XDH: variants seen among roughly 807,000 people sequenced by gnomAD.
XDH encodes xanthine dehydrogenase.
XDH carries 138 observed loss-of-function variants against 156.1 expected under a neutral mutation model. The ratio of observed to expected loss-of-function variants is 0.88; its 90% CI spans 0.77 to 1.02. The LOEUF (loss-of-function observed/expected upper bound fraction) is 1.02, where lower values mean the gene tolerates loss of function less well. XDH is among the 50% of genes least tolerant of loss of function. The pLI, the probability that XDH is intolerant of heterozygous loss-of-function variation, is 0.00. For missense variants in XDH, 1,849 were observed against 1,684.9 expected (o/e 1.10, Z -1.71); for synonymous variants, 669 against 625.7 (o/e 1.07, Z -1.03).
intron 22 of XDH, 68 bp from the exon 23 acceptor site, chr2:31,365,612 A>G: frequency 1.3e-6 from 2 of 1,582,046 alleles, no homozygotes; most frequent in Admixed American, 1.7e-5. Flanking sequence ...CAAGTCTCAG[A>G]ATAAAAACAG....
rs150419940 is a variant in XDH at position 31,346,772 on chromosome 2, G to A, written c.3348C>T (p.Asp1116=). The A allele has an allele frequency of 1.9e-6, 3 of 1,614,024 alleles. No homozygotes were observed. The African/African-American group carries it at 4.0e-5, about 22-fold the overall frequency. ...KKKNPSGSWE[D]WVTAAYMDTV... ...ACTTGGATCAGCTCAGACTTACCCA[G>A]TCTTCCCAGGAGCCACTGGGATTCT... The change falls in exon 30 of 36, where the codon GAC becomes GAT. Residue 1116 remains aspartate (D), a synonymous_variant. Transcript: ENST00000379416.
chr2:31,342,121 T>C (rs1347720389), intron 32 of XDH, 62 bp downstream of exon 32: 1 of 1,452,478 alleles, frequency 6.9e-7, no homozygotes, highest in Non-Finnish European at 9.6e-7. Context: ...GCTCTAGGTA[T>C]TACAACTCAG....
At chr2:31,375,581 C>A (rs202056743) in intron 14 of XDH, 27 bp from the exon 15 acceptor site, 1 of 1,609,316 alleles carries the variant, frequency 6.2e-7, no homozygotes, top group South Asian at 1.1e-5. Context: ...CGTGGGACAG[C>A]GCTCCCGCCC....
chr2:31,368,399 A>T (rs1572534699), intron 19 of XDH, 142 bp downstream of exon 19: 2 of 1,139,136 alleles, frequency 1.8e-6, no homozygotes, highest in East Asian at 2.6e-5. Flanking sequence ...TGGGACCCCA[A>T]ATCCCAGGGT....
chr2:31,345,969 G>C lies in XDH; in HGVS notation c.3351+800C>G, dbSNP rs1400004610. On this transcript the variant is annotated intron_variant, in intron 30 of 35. Coordinates refer to ENST00000379416, the MANE Select transcript of XDH (RefSeq NM_000379.4). ...ATGTGCTATTGGTACACGTGGTATGGAGAGGTCATAGAAGGCATAGTAAGA... is the reference window on the plus strand; with the variant it reads ...ATGTGCTATTGGTACACGTGGTATGCAGAGGTCATAGAAGGCATAGTAAGA... Among the ~76,000 whole-genome samples, 4 of 152,322 alleles carry C rather than the reference G, an allele frequency of 2.6e-5. No individual in the cohort carries two copies. The East Asian group carries it at 7.7e-4, about 29-fold the overall frequency.
rs2148745817 is a variant in XDH at position 31,335,783 on chromosome 2, A to T, written c.*175T>A. ...GAATTTGCTTATCATTGTGTTTACAAATTACATTTTTGATCAAAATCTTCC... is the reference window on the plus strand; with the variant it reads ...GAATTTGCTTATCATTGTGTTTACATATTACATTTTTGATCAAAATCTTCC... On this transcript the variant is annotated 3_prime_UTR_variant, in exon 36 of 36. Coordinates refer to ENST00000379416, the MANE Select transcript of XDH (RefSeq NM_000379.4). 1 of 727,820 alleles carries T rather than the reference A, an allele frequency of 1.4e-6. No individual in the cohort carries two copies. Among genetic ancestry groups the T allele is most frequent in the East Asian group, 2.7e-5 (1 of 37,120 alleles). The allele number at this position is 727,820 out of a possible 1,614,324, so 45.1% of individuals were successfully genotyped here. A position where few individuals can be genotyped will look rare whatever the true frequency, so the allele number is the denominator to read the frequency against.
At chr2:31,397,643 C>G (rs111623621) in intron 6 of XDH, 25 bp downstream of exon 6, 2 of 1,614,128 alleles carry the variant, frequency 1.2e-6, no homozygotes, top group African/African-American at 1.3e-5. Flanking sequence ...AGCAGAGACA[C>G]TGATGTTCTG....
At chr2:31,347,818 A>C (rs1454076647) in intron 28 of XDH, among the ~76,000 whole-genome samples, 168 bp from the exon 29 acceptor site, 1 of 152,206 alleles carries the variant, frequency 6.6e-6, no homozygotes, top group Non-Finnish European at 1.5e-5. Context: ...TTGAAGGAGC[A>C]CTTGGTGGAG....
chr2:31,365,698 G>C (rs1685895667), intron 22 of XDH, among the ~76,000 whole-genome samples, 154 bp from the exon 23 acceptor site: 1 of 152,188 alleles, frequency 6.6e-6, no homozygotes, highest in Non-Finnish European at 1.5e-5. Context: ...CACTGTGATA[G>C]ACAAGGTGGA....
chr2:31,398,188 G>A (rs770921159), intron 5 of XDH, among the ~76,000 whole-genome samples: 1 of 152,174 alleles, frequency 6.6e-6, no homozygotes, highest in African/African-American at 2.4e-5. Context: ...CACATTGGTG[G>A]TCTTGGCCCT....
chr2:31,385,950 CCTCCCTT>C, intron 9 of XDH, among the ~76,000 whole-genome samples: 1 of 152,188 alleles, frequency 6.6e-6, no homozygotes, highest in Non-Finnish European at 1.5e-5. Flanking sequence ...ATTAGTTCCT[CCTCCCTT>C]AGACTAGAAG....
In XDH at chr2:31,409,106, G is replaced by A. The variant is rs112215188; in HGVS notation, c.43-3142C>T. On this transcript the variant is annotated intron_variant, in intron 1 of 35. Transcript: ENST00000379416. ...TAAAAATCAAAACAATTGAACTCAT[G>A]GAGATAGAGTAGAAGGATGGTATCA... is the stretch of plus-strand genomic sequence containing the variant. Among the ~76,000 whole-genome samples the A allele has an allele frequency of 4.5e-3, 686 of 152,258 alleles. 6 individuals carry two copies. Among genetic ancestry groups the A allele is most frequent in the African/African-American group, 0.015 (638 of 41,562 alleles).
intron 1 of XDH, 53 bp from the exon 2 acceptor site, chr2:31,406,017 C>T (rs1687183784): frequency 1.0e-5 from 16 of 1,589,122 alleles, no homozygotes; most frequent in Non-Finnish European, 1.3e-5. Flanking sequence ...AGTCATCTTT[C>T]TGCAATTAAT....
chr2:31,343,307 T>C (rs1290018044), intron 31 of XDH, among the ~76,000 whole-genome samples: 1 of 124,162 alleles, frequency 8.1e-6, no homozygotes, highest in Admixed American at 7.8e-5. Context: ...TATATATATA[T>C]ATATATATAT....
intron 24 of XDH, among the ~76,000 whole-genome samples, chr2:31,363,764 C>G (rs982781069): frequency 2.0e-5 from 3 of 152,042 alleles, no homozygotes; most frequent in Non-Finnish European, 4.4e-5. Context: ...TCACTGCTAA[C>G]AGTTTGGTAT....
chr2:31,348,459 A>C, intron 27 of XDH, 96 bp from the exon 28 acceptor site: 1 of 1,202,376 alleles, frequency 8.3e-7, no homozygotes, highest in South Asian at 1.3e-5. Context: ...CAAGAGAACC[A>C]GCAGCATTTT....
intron 6 of XDH, chr2:31,389,480 A>G (rs1686704510): frequency 6.6e-6 from 1 of 152,430 alleles, no homozygotes. Flanking sequence ...TTTAGAAAGA[A>G]AGAAAGGAAG....
intron 18 of XDH, among the ~76,000 whole-genome samples, chr2:31,369,479 G>A (rs1456586719): frequency 6.6e-6 from 1 of 152,164 alleles, no homozygotes; most frequent in Non-Finnish European, 1.5e-5. Flanking sequence ...TTTAGAAGAT[G>A]AAGTTTCTGA....
chr2:31,412,989 GT>G (rs1687383289), intron 1 of XDH, among the ~76,000 whole-genome samples: 1 of 152,152 alleles, frequency 6.6e-6, no homozygotes, highest in Non-Finnish European at 1.5e-5. Context: ...TAAAGTGAAA[GT>G]AAAATGCAAG....
Sources: gnomAD v4.1 joint callset for allele counts (sites outside exome capture counted in the v4.1 genomes callset) on GRCh38, gnomAD v4.1.1 for gene constraint, MANE v1.5 for transcripts, NCBI Gene and HGNC (gene_info 2026-07-23, HGNC 2026-07-21) for gene names.